Variants in SYPL2 observed in about 807,000 individuals in gnomAD.
SYPL2 encodes the protein synaptophysin like 2.
SYPL2 carries 24 observed loss-of-function variants against 31.3 expected under a neutral mutation model. The observed-to-expected ratio is 0.77, with a 90% CI of 0.56 to 1.08. SYPL2 has a LOEUF of 1.08. SYPL2 is among the 50% of genes least tolerant of loss of function. SYPL2 has a pLI of 0.00. For synonymous variants in SYPL2, 144 were observed against 143.1 expected (o/e 1.01, Z -0.05); for missense variants, 342 against 360.1 (o/e 0.95, Z 0.41).
rs765899783 is a variant in SYPL2 at position 109,478,062 on chromosome 1, G to T, written c.648+53G>T. The T allele has an allele frequency of 1.3e-6, 2 of 1,598,214 alleles. No homozygotes were observed. Among genetic ancestry groups the T allele is most frequent in the Non-Finnish European group, 1.7e-6 (2 of 1,172,904 alleles). ...AGCACCAGCCCTGCTGCCCAGGCCTGTCCCAGCTAGCAGGTCCTGAAAGGA... is the reference window on the plus strand; with the variant it reads ...AGCACCAGCCCTGCTGCCCAGGCCTTTCCCAGCTAGCAGGTCCTGAAAGGA... On this transcript the variant is annotated intron_variant, in intron 5 of 5. Transcript: ENST00000369872. The surrounding 1 kb of genome is among the most constrained non-coding windows in gnomAD (Gnocchi z 4.0).
intron 2 of SYPL2, among the ~76,000 whole-genome samples, chr1:109,472,233 C>G (rs2101001771): frequency 6.6e-6 from 1 of 152,218 alleles, no homozygotes; most frequent in South Asian, 2.1e-4. Context: ...CTTCCCACAT[C>G]AGCCCCCAGA....
At chr1:109,469,143 C>T (rs1655746396) in intron 2 of SYPL2, among the ~76,000 whole-genome samples, 1 of 152,126 alleles carries the variant, frequency 6.6e-6, no homozygotes. Flanking sequence ...GGCATTAGCA[C>T]CAGAAATGAC....
chr1:109,479,652 A>G lies in SYPL2; in HGVS notation c.*104A>G, dbSNP rs1656108594. The G allele has an allele frequency of 1.3e-6, 2 of 1,503,324 alleles. No individual in the cohort carries two copies. Among genetic ancestry groups the G allele is most frequent in the East Asian group, 4.6e-5 (2 of 43,578 alleles). 93.1% of individuals were successfully genotyped at this position (1,503,324 alleles called of 1,614,324 possible). A position where few individuals can be genotyped will look rare whatever the true frequency, so the allele number is the denominator to read the frequency against. On this transcript the variant is annotated 3_prime_UTR_variant, in exon 6 of 6. Transcript: ENST00000369872. Reference sequence around the variant, plus strand: ...CCTCCTCCAATTCCCCTCCCCCATCATTCTGGTCTTTGAGCTTTGAGACGA... The same window carrying G: ...CCTCCTCCAATTCCCCTCCCCCATCGTTCTGGTCTTTGAGCTTTGAGACGA...
chr1:109,466,848 C>T lies in SYPL2; in HGVS notation c.5C>T (p.Ser2Phe). The change falls in exon 1 of 6, where the codon TCC becomes TTC. Residue 2 changes from serine (S) to phenylalanine (F), a missense_variant. By Grantham distance (155) the Ser-to-Phe change is radical. Transcript: ENST00000369872. M[S>F]STESAGRTAD... ...CCCAGCGCTCGCCGCGCCAGCATGTCCTCGACCGAGAGCGCCGGCCGCACG... is the reference window on the plus strand; with the variant it reads ...CCCAGCGCTCGCCGCGCCAGCATGTTCTCGACCGAGAGCGCCGGCCGCACG... The T allele has an allele frequency of 6.6e-7, 1 of 1,523,184 alleles. No individual in the cohort carries two copies. The highest frequency in any genetic ancestry group is 8.8e-7 in the Non-Finnish European group (1 of 1,139,362). The allele number at this position is 1,523,184 out of a possible 1,614,324, so 94.4% of individuals were successfully genotyped here.
chr1:109,480,225 T>A lies in SYPL2; in HGVS notation c.*677T>A, dbSNP rs1037780634. On this transcript the variant is annotated 3_prime_UTR_variant, in exon 6 of 6. Transcript: ENST00000369872. ...AGCTGGGAGCAAGATAAATTGCAAC[T>A]GAGTTGCAGCTTCAAGAAAGTAAAG... 1 of 152,232 alleles carries A rather than the reference T, an allele frequency of 6.6e-6. No individual in the cohort carries two copies. Among genetic ancestry groups the A allele is most frequent in the Non-Finnish European group, 1.5e-5 (1 of 68,062 alleles). The allele number at this position is 152,232 out of a possible 1,614,324, so 9.4% of individuals were successfully genotyped here. A position where few individuals can be genotyped will look rare whatever the true frequency, so the allele number is the denominator to read the frequency against.
Position 109,476,971 on chromosome 1 carries a change from G to T in SYPL2, c.450G>T (p.Pro150=). Residue 150 remains proline, a synonymous_variant, in exon 4 of 6, where the codon CCG becomes CCT. Coordinates refer to ENST00000369872, the MANE Select transcript of SYPL2 (RefSeq NM_001040709.2). Reference sequence around the variant, plus strand: ...TCTACACAGAGAACAAACGCTTCCCGCTGGTGGTGAGTCAGCACAGGCCAG... The same window carrying T: ...TCTACACAGAGAACAAACGCTTCCCTCTGGTGGTGAGTCAGCACAGGCCAG... ...HNLYTENKRF[P]LVDFCVTVSF... is the part of the protein sequence containing the mutation. The T allele has an allele frequency of 6.2e-7, 1 of 1,614,154 alleles. No homozygotes were observed. Among genetic ancestry groups the T allele is most frequent in the Non-Finnish European group, 8.5e-7 (1 of 1,180,024 alleles).
intron 2 of SYPL2, among the ~76,000 whole-genome samples, chr1:109,469,514 A>C (rs1182875597): frequency 1.3e-5 from 2 of 151,884 alleles, no homozygotes; most frequent in African/African-American, 4.8e-5. Context: ...AAAGAAAAGG[A>C]CATCAAATCA....
chr1:109,473,949 G>C (rs1655914578), intron 2 of SYPL2, among the ~76,000 whole-genome samples: 1 of 151,758 alleles, frequency 6.6e-6, no homozygotes, highest in Non-Finnish European at 1.5e-5. Flanking sequence ...ACTTATCAGA[G>C]CTCACCTGGC....
intron 2 of SYPL2, among the ~76,000 whole-genome samples, chr1:109,472,922 T>A (rs1406063746): frequency 6.6e-6 from 1 of 152,124 alleles, no homozygotes; most frequent in Non-Finnish European, 1.5e-5. Flanking sequence ...GCCCGGCCCC[T>A]GCTTTCTTAA....
rs777726672 is a variant in SYPL2, at chr1:109,476,895, CCTT to C, written c.380_382del (p.Phe127del). On this transcript the variant is annotated inframe_deletion, in exon 4 of 6. Coordinates refer to ENST00000369872, the MANE Select transcript of SYPL2 (RefSeq NM_001040709.2). ...TTCTTCGTGACCCTTGGCATCTTTT[CCTT>C]CTTCTATACCATGGCTGCCCTAGTT... 25 of 1,614,102 alleles carry C rather than the reference CCTT, an allele frequency of 1.5e-5. No homozygotes were observed. Among genetic ancestry groups the C allele is most frequent in the South Asian group, 2.2e-5 (2 of 91,094 alleles).
At chr1:109,470,984 T>C (rs1655814934) in intron 2 of SYPL2, among the ~76,000 whole-genome samples, 1 of 152,230 alleles carries the variant, frequency 6.6e-6, no homozygotes, top group Non-Finnish European at 1.5e-5. Flanking sequence ...AGATAGGTGT[T>C]ATTCGTCTTC....
intron 3 of SYPL2, 125 bp from the exon 4 acceptor site, chr1:109,476,651 C>A: frequency 1.1e-6 from 1 of 952,066 alleles, no homozygotes; most frequent in Non-Finnish European, 1.5e-6. Context: ...AGAAACTTGC[C>A]TCCTTACATG....
At chr1:109,467,553 C>T (rs1655693778) in intron 2 of SYPL2, among the ~76,000 whole-genome samples, 1 of 152,094 alleles carries the variant, frequency 6.6e-6, no homozygotes, top group African/African-American at 2.4e-5. Flanking sequence ...AGGAAGCAGG[C>T]GATGGAAACC....
intron 4 of SYPL2, 50 bp from the exon 5 acceptor site, chr1:109,477,768 G>T: frequency 6.5e-7 from 1 of 1,543,478 alleles, no homozygotes; most frequent in Non-Finnish European, 8.8e-7. Flanking sequence ...AGAAGCAAGG[G>T]AATCATGGGG....
intron 2 of SYPL2, among the ~76,000 whole-genome samples, chr1:109,467,609 T>C (rs1379237839): frequency 6.6e-6 from 1 of 151,508 alleles, no homozygotes; most frequent in African/African-American, 2.4e-5. Context: ...CTGCAAGTAC[T>C]GGGCTCAGGG....
intron 2 of SYPL2, among the ~76,000 whole-genome samples, chr1:109,467,739 G>T (rs75629660): frequency 0.014 from 2,064 of 152,186 alleles, 39 homozygotes; most frequent in African/African-American, 0.047. Flanking sequence ...TTAAATAAAA[G>T]AAAAAAATAA....
intron 2 of SYPL2, among the ~76,000 whole-genome samples, chr1:109,471,271 T>C (rs79378871): frequency 7.0e-4 from 106 of 152,350 alleles, no homozygotes; most frequent in African/African-American, 2.4e-3. Flanking sequence ...CATTTTGCTC[T>C]GGTACCATCC....
chr1:109,478,045 C>T lies in SYPL2; in HGVS notation c.648+36C>T. ...TGGCCACTGCAGGAAGCAGCACCAGCCCTGCTGCCCAGGCCTGTCCCAGCT... is the reference window on the plus strand; with the variant it reads ...TGGCCACTGCAGGAAGCAGCACCAGTCCTGCTGCCCAGGCCTGTCCCAGCT... On this transcript the variant is annotated intron_variant, in intron 5 of 5. Coordinates refer to ENST00000369872, the MANE Select transcript of SYPL2 (RefSeq NM_001040709.2). This position sits in a 1 kb window ranked among gnomAD's most constrained non-coding sequence, Gnocchi z 4.0. 3 of 1,610,216 alleles carry T rather than the reference C, an allele frequency of 1.9e-6. No individual in the cohort carries two copies. Among genetic ancestry groups the T allele is most frequent in the Non-Finnish European group, 2.5e-6 (3 of 1,178,872 alleles).
chr1:109,467,231 G>A (rs1300696461), intron 2 of SYPL2, 98 bp downstream of exon 2: 11 of 999,432 alleles, frequency 1.1e-5, no homozygotes, highest in South Asian at 1.8e-5. Flanking sequence ...AGGTGCTGCG[G>A]CCGGGCCACG....
Sources: allele counts gnomAD v4.1 joint callset (sites outside exome capture counted in the v4.1 genomes callset), GRCh38; gene constraint gnomAD v4.1.1; non-coding constraint Gnocchi (gnomAD v3.1); transcripts MANE v1.5; gene names NCBI Gene and HGNC (gene_info 2026-07-23, HGNC 2026-07-21).